Variants in LRRC9 observed in about 807,000 individuals in gnomAD.
LRRC9 encodes leucine rich repeat containing 9, also known as leucine-rich repeat-containing protein 9.
LRRC9 carries 122 observed loss-of-function variants against 63.2 expected under a neutral mutation model. That is an observed-to-expected ratio of 1.93 (90% CI 1.67 to 2.24). The LOEUF is 2.24. Among genes scored for constraint, LRRC9 ranks in the 30% most tolerant of loss-of-function variants. LRRC9 has a pLI of 0.00. For synonymous variants in LRRC9, 366 were observed against 213.1 expected (o/e 1.72, Z -6.25); for missense variants, 1,071 against 627.7 (o/e 1.71, Z -7.55).
rs187258698 is a variant in LRRC9, at chr14:60,004,385, T to C, written c.2842+587T>C. 5.3e-4 allele frequency among the ~76,000 whole-genome samples: 80 copies of C among 152,240 alleles called. 1 individual carries two copies. The highest frequency in any genetic ancestry group is 5.2e-3 in the Admixed American group (79 of 15,284). ...AAATGAAAATTATACTCACTAGAGG[T>C]TGAAAATAAAATATACTATATGTAA... On this transcript the variant is annotated intron_variant, in intron 21 of 31. Coordinates refer to ENST00000445360, the Ensembl canonical transcript of LRRC9. This position sits in a 1 kb window ranked among gnomAD's most constrained non-coding sequence, Gnocchi z 4.8.
At chr14:60,028,490 A>T (rs955509313) in intron 28 of LRRC9, among the ~76,000 whole-genome samples, 2 of 151,780 alleles carry the variant, frequency 1.3e-5, no homozygotes, top group Non-Finnish European at 2.9e-5. Context: ...ATTTGAATCA[A>T]CTCCTGATAA....
chr14:60,012,959 T>A (rs1041137828), intron 23 of LRRC9, among the ~76,000 whole-genome samples: 10 of 151,428 alleles, frequency 6.6e-5, no homozygotes, highest in South Asian at 2.1e-4. Context: ...TTTATTTTTT[T>A]AATTTTATTA....
chr14:60,018,693 G>A (rs1336998222), intron 25 of LRRC9, among the ~76,000 whole-genome samples: 1 of 151,624 alleles, frequency 6.6e-6, no homozygotes, highest in African/African-American at 2.4e-5. Context: ...CACATATTTA[G>A]TAAATTTTCC....
At chr14:60,039,488 T>G (rs550890249) in intron 29 of LRRC9, among the ~76,000 whole-genome samples, 89 of 152,320 alleles carry the variant, frequency 5.8e-4, no homozygotes, top group African/African-American at 2.1e-3. Context: ...TGGTTTAGTC[T>G]TGGGAGGGTG....
In LRRC9 at chr14:60,042,330, T is replaced by A. The variant is rs527766065; in HGVS notation, c.3990+10267T>A. On this transcript the variant is annotated intron_variant, in intron 29 of 31. Coordinates refer to ENST00000445360, the Ensembl canonical transcript of LRRC9. This position sits in a 1 kb window ranked among gnomAD's most constrained non-coding sequence, Gnocchi z 4.2. ...AAGTTTCTGCTGCCTGTTGTTCAGC[T>A]ATGCCCTGCCCCCAGAGGTGGAGTC... Among the ~76,000 whole-genome samples the A allele has an allele frequency of 9.5e-3, 1,447 of 152,336 alleles. 26 individuals are homozygous for A. Among genetic ancestry groups the A allele is most frequent in the African/African-American group, 0.033 (1,369 of 41,568 alleles).
At chr14:59,957,576 G>T (rs1414906534) in intron 8 of LRRC9, among the ~76,000 whole-genome samples, 1 of 152,038 alleles carries the variant, frequency 6.6e-6, no homozygotes, top group Non-Finnish European at 1.5e-5. Flanking sequence ...GTTAGAACTT[G>T]CTCCTTTAGC....
chr14:59,984,188 G>C (rs1344736744), intron 16 of LRRC9, among the ~76,000 whole-genome samples: 6 of 152,210 alleles, frequency 3.9e-5, no homozygotes, highest in Non-Finnish European at 2.9e-5. Flanking sequence ...ATATATCATG[G>C]ATGATACCCA....
At chr14:59,951,947 C>G (rs1408868466) in intron 8 of LRRC9, among the ~76,000 whole-genome samples, 1 of 152,054 alleles carries the variant, frequency 6.6e-6, no homozygotes, top group Non-Finnish European at 1.5e-5. Context: ...TTACTGCTGT[C>G]TTTTTGTTTG....
rs1003536270 is a variant in LRRC9, at chr14:59,932,926, T to C, written c.543+887T>C. 2.0e-5 allele frequency among the ~76,000 whole-genome samples: 3 copies of C among 152,026 alleles called. No individual in the cohort carries two copies. The highest frequency in any genetic ancestry group is 7.2e-5 in the African/African-American group (3 of 41,398). On this transcript the variant is annotated intron_variant, in intron 6 of 31. Transcript: ENST00000445360. The surrounding 1 kb of genome is among the most constrained non-coding windows in gnomAD (Gnocchi z 4.7). ...TCATCTATTTCAGAGTAGAAGACATTTCATATAATGGGGCCATAAGACTAC... is the reference window on the plus strand; with the variant it reads ...TCATCTATTTCAGAGTAGAAGACATCTCATATAATGGGGCCATAAGACTAC...
chr14:59,993,948 C>T (rs1223673375), intron 17 of LRRC9, among the ~76,000 whole-genome samples: 4 of 152,176 alleles, frequency 2.6e-5, no homozygotes, highest in Non-Finnish European at 5.9e-5. Context: ...GAACTCAGCT[C>T]TGCACCAAGC....
intron 31 of LRRC9, among the ~76,000 whole-genome samples, chr14:60,059,328 TGTGATCA>T (rs1488035079): frequency 3.3e-5 from 5 of 152,236 alleles, no homozygotes; most frequent in Non-Finnish European, 5.9e-5. Flanking sequence ...TATGGTGATC[TGTGATCA>T]GTAATCTTTT....
intron 29 of LRRC9, among the ~76,000 whole-genome samples, chr14:60,050,272 A>G (rs1015535484): frequency 3.9e-5 from 6 of 152,188 alleles, no homozygotes; most frequent in African/African-American, 1.4e-4. Flanking sequence ...CTGAGATTGC[A>G]TGCATGAGCC....
chr14:59,961,021 A>G, exon 10 of LRRC9: 1 of 690,998 alleles, frequency 1.4e-6, no homozygotes, highest in Non-Finnish European at 2.6e-6. Context: ...TTCCATTTTG[A>G]AGAAGGCACT....
chr14:60,010,140 G>C (rs1890143943), intron 23 of LRRC9, among the ~76,000 whole-genome samples: 1 of 152,202 alleles, frequency 6.6e-6, no homozygotes, highest in South Asian at 2.1e-4. Flanking sequence ...TGCCCCAGTG[G>C]GGACTCTGTG....
chr14:59,939,468 T>C (rs920232960), intron 7 of LRRC9, among the ~76,000 whole-genome samples: 12 of 152,038 alleles, frequency 7.9e-5, no homozygotes, highest in African/African-American at 2.7e-4. Context: ...TTTTGAATAA[T>C]GGATTAAGAA....
chr14:59,931,783 G>T, intron 5 of LRRC9, 101 bp downstream of exon 5: 1 of 613,086 alleles, frequency 1.6e-6, no homozygotes, highest in Non-Finnish European at 2.9e-6. Flanking sequence ...GCTTTTTTCT[G>T]TGACATATTT....
At chr14:60,052,380 T>C (rs1315429844) in intron 29 of LRRC9, among the ~76,000 whole-genome samples, 1 of 152,224 alleles carries the variant, frequency 6.6e-6, no homozygotes, top group Non-Finnish European at 1.5e-5. Context: ...GGCAGCCCAG[T>C]AGAGACTCAG....
intron 30 of LRRC9, chr14:60,057,639 G>A (rs936189953): frequency 1.6e-5 from 4 of 242,494 alleles, no homozygotes; most frequent in African/African-American, 9.7e-5. Flanking sequence ...TCTAGTGATG[G>A]TACAATGCAG....
intron 27 of LRRC9, among the ~76,000 whole-genome samples, chr14:60,026,634 C>T (rs540096289): frequency 2.3e-4 from 35 of 151,994 alleles, no homozygotes; most frequent in Non-Finnish European, 5.0e-4. Context: ...AGGTATTACA[C>T]AAGAAATCTT....
Sources: allele counts gnomAD v4.1 joint callset (sites outside exome capture counted in the v4.1 genomes callset), GRCh38; gene constraint gnomAD v4.1.1; non-coding constraint Gnocchi (gnomAD v3.1); transcripts MANE v1.5; gene names NCBI Gene and HGNC (gene_info 2026-07-23, HGNC 2026-07-21).